The following VAV1 variants were observed in gnomAD, a reference collection of about 807,000 sequenced individuals.
VAV1 encodes proto-oncogene vav.
In VAV1, 33 loss-of-function variants were observed where a neutral mutation model predicts 128.1. That is an observed-to-expected ratio of 0.26 (90% CI 0.20 to 0.34). The LOEUF is 0.34. Ranked by LOEUF, VAV1 falls within the 10% of genes least tolerant of loss-of-function variation. The pLI is 1.00. For synonymous variants in VAV1, 394 were observed against 409.8 expected, an observed-to-expected ratio of 0.96 and a Z score of 0.47; for missense variants, 715 against 1,093.7, an observed-to-expected ratio of 0.65 and a Z score of 4.88.
chr19:6,806,506 T>A (rs925702310), intron 1 of VAV1, among the ~76,000 whole-genome samples: 1 of 152,240 alleles, frequency 6.6e-6, no homozygotes, highest in Non-Finnish European at 1.5e-5. Context: ...AAGGACTGCA[T>A]GTCTCTGTGA....
chr19:6,833,356 G>C (rs1972135622), intron 16 of VAV1, 71 bp downstream of exon 16: 2 of 1,495,136 alleles, frequency 1.3e-6, no homozygotes, highest in Non-Finnish European at 9.1e-7. Context: ...AGATGGCCTA[G>C]TAATTGGTTC....
At chr19:6,832,030 G>C (rs1236507229) in intron 14 of VAV1, 61 bp from the exon 15 acceptor site, 1 of 1,466,620 alleles carries the variant, frequency 6.8e-7, no homozygotes, top group Non-Finnish European at 9.5e-7. Context: ...GGGGTGGGTG[G>C]GTGTGTGCTC....
chr19:6,815,907 A>G (rs1011139249), intron 1 of VAV1, among the ~76,000 whole-genome samples: 1 of 152,174 alleles, frequency 6.6e-6, no homozygotes. Flanking sequence ...AAGTGGGCTC[A>G]GCTGGGAGTT....
At chr19:6,856,239 G>A (rs1324007917) in intron 26 of VAV1, among the ~76,000 whole-genome samples, 3 of 151,438 alleles carry the variant, frequency 2.0e-5, no homozygotes, top group African/African-American at 7.3e-5. Context: ...GGAGGCTGTG[G>A]TGAGCTGAGA....
chr19:6,854,220 G>T, intron 26 of VAV1, 122 bp downstream of exon 26: 1 of 1,269,468 alleles, frequency 7.9e-7, no homozygotes, highest in East Asian at 2.4e-5. Context: ...CACGGTGGGA[G>T]GGAAGGAAGG....
At chr19:6,784,493 CT>C (rs10590205) in intron 1 of VAV1, among the ~76,000 whole-genome samples, 2,514 of 138,008 alleles carry the variant, frequency 0.018, 15 homozygotes, top group South Asian at 0.059. Context: ...CATTCTGTTC[CT>C]TTTTTTTTTT....
chr19:6,775,034 G>T (rs1351759941), intron 1 of VAV1, among the ~76,000 whole-genome samples: 8 of 151,718 alleles, frequency 5.3e-5, no homozygotes, highest in Admixed American at 4.6e-4. Flanking sequence ...TCGAAAGGCT[G>T]GGATTACAGG....
At chr19:6,785,521 G>T (rs768268673) in intron 1 of VAV1, among the ~76,000 whole-genome samples, 1 of 151,792 alleles carries the variant, frequency 6.6e-6, no homozygotes, top group African/African-American at 2.4e-5. Context: ...TAGTAGAGAC[G>T]GAGTTTCACC....
intron 1 of VAV1, among the ~76,000 whole-genome samples, chr19:6,808,346 C>A (rs1265181078): frequency 6.6e-6 from 1 of 152,032 alleles, no homozygotes; most frequent in Non-Finnish European, 1.5e-5. Flanking sequence ...CCAACCAATT[C>A]TCTCCTCCCC....
chr19:6,844,060 CTTCTTTTTTTTTTTTTTTTTTTTTT>C (rs1426066328), intron 22 of VAV1, among the ~76,000 whole-genome samples: 9 of 18,798 alleles, frequency 4.8e-4, no homozygotes, highest in Admixed American at 1.4e-3. Flanking sequence ...TCTTCTTCTT[CTTCTTTTTTTTTTTTTTTTTTTTTT>C]TTTTTTTTTT....
intron 24 of VAV1, among the ~76,000 whole-genome samples, chr19:6,851,388 C>T (rs1441862146): frequency 6.6e-6 from 1 of 151,962 alleles, no homozygotes; most frequent in African/African-American, 2.4e-5. Flanking sequence ...TGCTTTGTTG[C>T]TCAGGCTGGC....
chr19:6,795,468 T>TTTTATTTATTTA lies in VAV1; in HGVS notation c.204+22472_204+22483dup, dbSNP rs56844379. Among the ~76,000 whole-genome samples, 720 of 151,198 alleles carry TTTTATTTATTTA rather than the reference T, an allele frequency of 4.8e-3. 3 individuals carry two copies. The highest frequency in any genetic ancestry group is 0.02 in the East Asian group (105 of 5,158). ...AATTGCTTCACCCAGGGCGTAGTTCTTTTATTTATTTATTTATTTATTTAT... is the reference window on the plus strand; with the variant it reads ...AATTGCTTCACCCAGGGCGTAGTTCTTTTATTTATTTATTTATTTATTTATTTATTTATTTAT... On this transcript the variant is annotated intron_variant, in intron 1 of 26. Transcript: ENST00000602142.
intron 1 of VAV1, among the ~76,000 whole-genome samples, chr19:6,784,870 A>G (rs1450070870): frequency 1.3e-5 from 2 of 152,128 alleles, no homozygotes; most frequent in Non-Finnish European, 2.9e-5. Context: ...TTTCACAGAG[A>G]TGCTAGAAAT....
chr19:6,831,326 T>C (rs1329275910), intron 14 of VAV1, among the ~76,000 whole-genome samples: 1 of 152,110 alleles, frequency 6.6e-6, no homozygotes, highest in Non-Finnish European at 1.5e-5. Flanking sequence ...TCTATTTCTT[T>C]TTTTGAGACG....
chr19:6,776,810 T>C (rs1970653908), intron 1 of VAV1, among the ~76,000 whole-genome samples: 1 of 151,862 alleles, frequency 6.6e-6, no homozygotes, highest in South Asian at 2.1e-4. Context: ...CAGGCTGGAG[T>C]GCAGGGGCAT....
At chr19:6,833,153 T>TA (rs2144793040) in intron 15 of VAV1, 31 bp from the exon 16 acceptor site, 1 of 762,958 alleles carries the variant, frequency 1.3e-6, no homozygotes, top group East Asian at 4.8e-5. Flanking sequence ...CTGACCTTCT[T>TA]TTTTTTTTTT....
intron 23 of VAV1, among the ~76,000 whole-genome samples, chr19:6,849,285 CTTTTTT>C (rs4029439): frequency 2.2e-5 from 2 of 92,186 alleles, no homozygotes; most frequent in African/African-American, 1.2e-4. Flanking sequence ...TGTTTCCAGC[CTTTTTT>C]TTTTTTTTTT....
chr19:6,790,282 G>A (rs1454033962), intron 1 of VAV1, among the ~76,000 whole-genome samples: 2 of 152,174 alleles, frequency 1.3e-5, no homozygotes, highest in East Asian at 1.9e-4. Context: ...GATTGCTGGG[G>A]TTACAGCACA....
At chr19:6,850,824 C>G in intron 24 of VAV1, 67 bp downstream of exon 24, 1 of 1,532,690 alleles carries the variant, frequency 6.5e-7, no homozygotes. Context: ...GCACCTCCGC[C>G]TTGGGACCCC....
Sources: gnomAD v4.1 joint callset for allele counts (sites outside exome capture counted in the v4.1 genomes callset) on GRCh38, gnomAD v4.1.1 for gene constraint, MANE v1.5 for transcripts, NCBI Gene and HGNC (gene_info 2026-07-23, HGNC 2026-07-21) for gene names.